The following ZNF248 variants were observed in gnomAD, a reference collection of about 807,000 sequenced individuals.
ZNF248 encodes zinc finger protein 248.
Under a neutral mutation model 44.3 loss-of-function variants are expected in ZNF248, and 20 were observed. The ratio of observed to expected loss-of-function variants is 0.45; its 90% CI spans 0.32 to 0.66. ZNF248 has a LOEUF of 0.66. Ranked by LOEUF, ZNF248 falls within the 30% of genes least tolerant of loss-of-function variation. ZNF248 has a pLI of 0.04. For synonymous variants in ZNF248, 224 were observed against 229.0 expected, an observed-to-expected ratio of 0.98 and a Z score of 0.20; for missense variants, 654 against 677.0, an observed-to-expected ratio of 0.97 and a Z score of 0.38.
intron 3 of ZNF248, among the ~76,000 whole-genome samples, chr10:37,838,702 T>C (rs1393655497): frequency 6.6e-6 from 1 of 150,790 alleles, no homozygotes; most frequent in African/African-American, 2.4e-5. Flanking sequence ...ATTTGGTATC[T>C]AGTAAAAAAA....
chr10:37,766,023 C>T, the ZNF248 span, among the ~76,000 whole-genome samples: 2,066 of 152,374 alleles, frequency 0.014, 50 homozygotes, highest in African/African-American at 0.047. Flanking sequence ...GCACAGCAGT[C>T]TGAGATCAAA....
At chr10:37,780,179 T>C (rs540862160) in intron 6 of ZNF248, among the ~76,000 whole-genome samples, 1 of 151,234 alleles carries the variant, frequency 6.6e-6, no homozygotes, top group African/African-American at 2.4e-5. Flanking sequence ...AAAGTTCATA[T>C]GGAACCAAAA....
At chr10:37,787,018 G>A (rs1314235402) in intron 6 of ZNF248, among the ~76,000 whole-genome samples, 4 of 152,146 alleles carry the variant, frequency 2.6e-5, no homozygotes, top group African/African-American at 9.7e-5. Context: ...TTTGGCTCAT[G>A]CCTTTAATCC....
chr10:37,814,719 T>G (rs1257445529), intron 6 of ZNF248, among the ~76,000 whole-genome samples: 2 of 152,244 alleles, frequency 1.3e-5, no homozygotes, highest in Non-Finnish European at 2.9e-5. Flanking sequence ...CACTGCCTTC[T>G]GGCCTCCAAG....
intron 3 of ZNF248, among the ~76,000 whole-genome samples, chr10:37,848,773 T>C (rs1487359811): frequency 6.6e-6 from 1 of 152,218 alleles, no homozygotes; most frequent in Non-Finnish European, 1.5e-5. Context: ...TTCTTACCTA[T>C]TATGTTTCCT....
intron 6 of ZNF248, among the ~76,000 whole-genome samples, chr10:37,810,904 A>G (rs1371751670): frequency 6.6e-6 from 1 of 152,192 alleles, no homozygotes; most frequent in African/African-American, 2.4e-5. Flanking sequence ...TATTGTGGTG[A>G]GCTGAAGTAT....
At chr10:37,798,381 A>G (rs2049396999) in intron 6 of ZNF248, among the ~76,000 whole-genome samples, 1 of 152,162 alleles carries the variant, frequency 6.6e-6, no homozygotes, top group Admixed American at 6.5e-5. Context: ...TGATGGTTGT[A>G]CAACTATATG....
At chr10:37,849,763 A>AT (rs1316692044) in intron 3 of ZNF248, among the ~76,000 whole-genome samples, 1 of 152,140 alleles carries the variant, frequency 6.6e-6, no homozygotes, top group Non-Finnish European at 1.5e-5. Flanking sequence ...CAAAAGAGAA[A>AT]TAAAAATAAA....
downstream of ZNF248, among the ~76,000 whole-genome samples, chr10:37,772,450 CGAG>C (rs570926254): frequency 1.3e-5 from 2 of 152,120 alleles, no homozygotes; most frequent in Non-Finnish European, 2.9e-5. Context: ...ATGGACTAGC[CGAG>C]GAAACACCTG....
Position 37,829,141 on chromosome 10 carries a change from G to C in ZNF248, c.*2474C>G. Reference sequence around the variant, plus strand: ...GATGTATCTGGTTGGTTTCTCCAAAGAGAGACACCAGCAATTTGGCACCAC... The same window carrying C: ...GATGTATCTGGTTGGTTTCTCCAAACAGAGACACCAGCAATTTGGCACCAC... On this transcript the variant is annotated 3_prime_UTR_variant, in exon 6 of 6. Transcript: ENST00000395867. 1.0e-6 allele frequency: 1 copy of C among 985,454 alleles called. No individual in the cohort carries two copies. The highest frequency in any genetic ancestry group is 4.7e-5 in the South Asian group (1 of 21,290). 61.0% of individuals were successfully genotyped at this position (985,454 alleles called of 1,614,324 possible).
intron 6 of ZNF248, among the ~76,000 whole-genome samples, chr10:37,797,884 TAATA>T (rs1276129521): frequency 5.9e-5 from 9 of 152,160 alleles, no homozygotes; most frequent in Admixed American, 2.0e-4. Flanking sequence ...GCTTCCTCTT[TAATA>T]AATAGTTTGG....
chr10:37,780,572 T>C (rs566397966), intron 6 of ZNF248, among the ~76,000 whole-genome samples: 1 of 152,172 alleles, frequency 6.6e-6, no homozygotes, highest in Non-Finnish European at 1.5e-5. Context: ...ACAGCATCCC[T>C]CTACAGGTGA....
chr10:37,830,094 T>C lies in ZNF248; in HGVS notation c.*1521A>G. On this transcript the variant is annotated 3_prime_UTR_variant, in exon 6 of 6. Coordinates refer to ENST00000395867, the MANE Select transcript of ZNF248 (RefSeq NM_021045.3). ...ACTAATACGCAGAACTAGTGTTACA[T>C]AGACCGTGCCCAAACAGATACACAA... The C allele has an allele frequency of 3.0e-6, 3 of 985,390 alleles. No individual in the cohort carries two copies. The highest frequency in any genetic ancestry group is 2.4e-6 in the Non-Finnish European group (2 of 829,928). The allele number at this position is 985,390 out of a possible 1,614,324, so 61.0% of individuals were successfully genotyped here. A position where few individuals can be genotyped will look rare whatever the true frequency, so the allele number is the denominator to read the frequency against.
intron 3 of ZNF248, among the ~76,000 whole-genome samples, chr10:37,850,614 T>C (rs949976897): frequency 2.6e-5 from 4 of 152,120 alleles, no homozygotes; most frequent in Non-Finnish European, 4.4e-5. Context: ...CAATGGAACA[T>C]AGAAGATAAC....
chr10:37,832,939 A>T lies in ZNF248; in HGVS notation c.416T>A (p.Ile139Lys). The T allele has an allele frequency of 6.2e-7, 1 of 1,613,462 alleles. No homozygotes were observed. ...CAAATTCATTTCACATGAGTCACAT[A>T]TTTTATAGGGATAATTTCTTAAAGA... ...PVSLRNYPYKICDSCEMNLKN... is the reference protein window; with the variant it reads ...PVSLRNYPYKKCDSCEMNLKN... The change falls in exon 6 of 6, where the codon ATA (isoleucine) becomes AAA (lysine). Residue 139 changes from isoleucine (I) to lysine (K), a missense_variant. Transcript: ENST00000395867.
intron 6 of ZNF248, among the ~76,000 whole-genome samples, chr10:37,783,497 C>T (rs2132933137): frequency 6.6e-6 from 1 of 152,090 alleles, no homozygotes; most frequent in South Asian, 2.1e-4. Flanking sequence ...TGCAACCAGC[C>T]AAAGCAAAAA....
Position 37,831,098 on chromosome 10 carries a change from G to A in ZNF248, c.*517C>T, listed in dbSNP as rs2055496399. On this transcript the variant is annotated 3_prime_UTR_variant, in exon 6 of 6. Transcript: ENST00000395867. ...TATGTCAACCTATAAAGACACCAAT[G>A]GTATTTAGTGTAGAAAATATTAACA... 4 of 1,382,082 alleles carry A rather than the reference G, an allele frequency of 2.9e-6. No homozygotes were observed. The highest frequency in any genetic ancestry group is 2.8e-6 in the Non-Finnish European group (3 of 1,057,850). 85.6% of individuals were successfully genotyped at this position (1,382,082 alleles called of 1,614,324 possible). A position where few individuals can be genotyped will look rare whatever the true frequency, so the allele number is the denominator to read the frequency against.
intron 6 of ZNF248, among the ~76,000 whole-genome samples, chr10:37,782,560 G>A (rs1378315075): frequency 6.6e-6 from 1 of 152,058 alleles, no homozygotes; most frequent in African/African-American, 2.4e-5. Flanking sequence ...AACTTTATTT[G>A]GAAATAGGGT....
At chr10:37,815,162 G>A (rs934760661) in intron 6 of ZNF248, among the ~76,000 whole-genome samples, 1 of 151,960 alleles carries the variant, frequency 6.6e-6, no homozygotes, top group Admixed American at 6.6e-5. Context: ...TGCCTCCTGG[G>A]TTCAAGCGAT....
Sources: allele counts gnomAD v4.1 joint callset (sites outside exome capture counted in the v4.1 genomes callset), GRCh38; gene constraint gnomAD v4.1.1; transcripts MANE v1.5; gene names NCBI Gene and HGNC (gene_info 2026-07-23, HGNC 2026-07-21).